Variants in PTPRD observed in about 807,000 individuals in gnomAD.
The protein encoded by PTPRD is receptor-type tyrosine-protein phosphatase delta.
PTPRD carries 34 observed loss-of-function variants against 214.5 expected under a neutral mutation model. The observed-to-expected ratio is 0.16, with a 90% CI of 0.12 to 0.21. The LOEUF is 0.21. Among genes scored for constraint, PTPRD ranks in the 10% least tolerant of loss-of-function variants. The pLI is 1.00. For synonymous variants in PTPRD, 1,128 were observed against 845.7 expected (o/e 1.33, Z -5.79); for missense variants, 2,545 against 2,398.7 (o/e 1.06, Z -1.27).
intron 4 of PTPRD, among the ~76,000 whole-genome samples, chr9:9,977,983 A>C (rs1183054549): frequency 6.6e-6 from 1 of 152,150 alleles, no homozygotes; most frequent in Non-Finnish European, 1.5e-5. Flanking sequence ...AAAGTGGGAA[A>C]ACCTGTTGCT....
Position 8,325,649 on chromosome 9 carries a change from C to T in PTPRD, c.5535-5683G>A, listed in dbSNP as rs911724804. ...GTCATTGGTAGCTTGATGGGGATGG[C>T]ATTGAATCTATAAATTACCTTGGGC... On this transcript the variant is annotated intron_variant, in intron 44 of 45. Transcript: ENST00000381196. Among the ~76,000 whole-genome samples the T allele has an allele frequency of 1.8e-4, 28 of 151,466 alleles. 1 individual carries two copies. Among genetic ancestry groups the T allele is most frequent in the Admixed American group, 1.3e-3 (20 of 15,152 alleles).
At chr9:9,970,540 G>T (rs1293863090) in intron 4 of PTPRD, among the ~76,000 whole-genome samples, 3 of 152,006 alleles carry the variant, frequency 2.0e-5, no homozygotes, top group Non-Finnish European at 2.9e-5. Flanking sequence ...AGTGCAGCAG[G>T]TATGTACCTA....
At chr9:8,901,891 G>A (rs1300697219) in intron 11 of PTPRD, among the ~76,000 whole-genome samples, 1 of 152,048 alleles carries the variant, frequency 6.6e-6, no homozygotes, top group African/African-American at 2.4e-5. Context: ...TGAAATTCCA[G>A]ACACAGGCAT....
chr9:9,900,257 T>G (rs545188168), intron 5 of PTPRD, among the ~76,000 whole-genome samples: 1 of 152,320 alleles, frequency 6.6e-6, no homozygotes, highest in East Asian at 1.9e-4. Flanking sequence ...CTCCCATATT[T>G]GATCAAAAAT....
intron 8 of PTPRD, among the ~76,000 whole-genome samples, chr9:9,403,436 C>CTCTCTCT (rs879455315): frequency 0.011 from 477 of 43,846 alleles, no homozygotes; most frequent in Non-Finnish European, 0.015. Flanking sequence ...TCTCTCTCTC[C>CTCTCTCT]AGGAAGCAAA....
chr9:9,314,663 T>G (rs939978914), intron 9 of PTPRD, among the ~76,000 whole-genome samples: 4 of 152,044 alleles, frequency 2.6e-5, no homozygotes, highest in Non-Finnish European at 5.9e-5. Context: ...TCAATTAAAG[T>G]GAAAGAATAT....
intron 2 of PTPRD, among the ~76,000 whole-genome samples, chr9:10,543,708 T>A (rs2059632900): frequency 6.6e-6 from 1 of 152,226 alleles, no homozygotes; most frequent in Non-Finnish European, 1.5e-5. Context: ...GCAACATAAC[T>A]TGCCAAGGGA....
chr9:8,831,649 A>G (rs892134247), intron 11 of PTPRD, among the ~76,000 whole-genome samples: 1 of 152,180 alleles, frequency 6.6e-6, no homozygotes, highest in Non-Finnish European at 1.5e-5. Flanking sequence ...TGAATGAAAC[A>G]TATCATCTTC....
At chr9:9,823,946 A>G (rs1322173995) in intron 5 of PTPRD, among the ~76,000 whole-genome samples, 1 of 152,054 alleles carries the variant, frequency 6.6e-6, no homozygotes, top group Admixed American at 6.6e-5. Context: ...ATCATTACAC[A>G]TTTTATGTTT....
chr9:8,955,223 A>T (rs1212198376), intron 11 of PTPRD, among the ~76,000 whole-genome samples: 1 of 152,024 alleles, frequency 6.6e-6, no homozygotes, highest in East Asian at 1.9e-4. Context: ...AATATGAAAA[A>T]GTTGGCTGGG....
At chr9:9,701,878 G>A (rs1360506697) in intron 7 of PTPRD, among the ~76,000 whole-genome samples, 2 of 152,082 alleles carry the variant, frequency 1.3e-5, no homozygotes, top group East Asian at 3.9e-4. Flanking sequence ...CAGCATTTTG[G>A]GAGGCCGAGG....
intron 3 of PTPRD, among the ~76,000 whole-genome samples, chr9:10,304,347 C>T (rs1349544408): frequency 3.9e-5 from 6 of 152,016 alleles, no homozygotes; most frequent in East Asian, 3.9e-4. Flanking sequence ...CTTTGAAAAC[C>T]GGCACAAGAC....
intron 10 of PTPRD, among the ~76,000 whole-genome samples, chr9:9,043,977 G>A (rs2099658639): frequency 6.6e-6 from 1 of 151,238 alleles, no homozygotes; most frequent in African/African-American, 2.4e-5. Flanking sequence ...AAATAAAATA[G>A]AAAAACTAAA....
intron 3 of PTPRD, among the ~76,000 whole-genome samples, chr9:10,272,131 C>G (rs1009798541): frequency 6.6e-6 from 1 of 152,102 alleles, no homozygotes; most frequent in South Asian, 2.1e-4. Context: ...CAATCATAAA[C>G]GTGCTTTCTC....
intron 7 of PTPRD, among the ~76,000 whole-genome samples, chr9:9,637,741 G>T (rs543068425): frequency 5.3e-5 from 8 of 152,274 alleles, no homozygotes; most frequent in Non-Finnish European, 5.9e-5. Context: ...CTTAGGCATT[G>T]CCCTATTGAG....
intron 2 of PTPRD, among the ~76,000 whole-genome samples, chr9:10,385,639 A>G (rs910640226): frequency 6.6e-6 from 1 of 151,830 alleles, no homozygotes; most frequent in Non-Finnish European, 1.5e-5. Flanking sequence ...TGTGGGCTTG[A>G]GCAAATTAAT....
chr9:10,576,757 T>C (rs756702742), intron 2 of PTPRD, among the ~76,000 whole-genome samples: 1 of 152,298 alleles, frequency 6.6e-6, no homozygotes, highest in South Asian at 2.1e-4. Flanking sequence ...ATATTTTAAT[T>C]ATTATTTCAC....
intron 7 of PTPRD, among the ~76,000 whole-genome samples, chr9:9,601,412 T>C (rs2093760975): frequency 6.6e-6 from 1 of 152,026 alleles, no homozygotes; most frequent in Non-Finnish European, 1.5e-5. Context: ...ATTACAAATG[T>C]TTAGAAGGAA....
intron 11 of PTPRD, among the ~76,000 whole-genome samples, chr9:8,950,723 T>C (rs1453388872): frequency 6.6e-6 from 1 of 151,040 alleles, no homozygotes; most frequent in East Asian, 1.9e-4. Context: ...TTTTTTTAAA[T>C]AGAGCTTGAA....
Sources: allele counts gnomAD v4.1 joint callset (sites outside exome capture counted in the v4.1 genomes callset), GRCh38; gene constraint gnomAD v4.1.1; transcripts MANE v1.5; gene names NCBI Gene and HGNC (gene_info 2026-07-23, HGNC 2026-07-21).